The following SLC2A13 variants were observed in gnomAD, a reference collection of about 807,000 sequenced individuals.
SLC2A13 encodes solute carrier family 2 member 13.
A neutral mutation model predicts 64.4 loss-of-function variants in SLC2A13; 32 were observed. That is an observed-to-expected ratio of 0.50 (90% CI 0.37 to 0.67). SLC2A13 has a LOEUF of 0.67. Ranked by LOEUF, SLC2A13 falls within the 30% of genes least tolerant of loss-of-function variation. SLC2A13 has a pLI of 0.00. For missense variants in SLC2A13, 743 were observed against 829.2 expected (o/e 0.90, Z 1.28); for synonymous variants, 338 against 327.1 (o/e 1.03, Z -0.36).
At chr12:39,860,328 T>C (rs1343969851) in intron 6 of SLC2A13, among the ~76,000 whole-genome samples, 1 of 152,238 alleles carries the variant, frequency 6.6e-6, no homozygotes. Context: ...GCCTGAAGAA[T>C]GGAGAGATAC....
chr12:39,856,526 G>T (rs1308731492), intron 6 of SLC2A13, among the ~76,000 whole-genome samples: 1 of 152,020 alleles, frequency 6.6e-6, no homozygotes, highest in Admixed American at 6.5e-5. Flanking sequence ...ATGCCACCAT[G>T]CCCAGCTAAT....
chr12:39,875,459 C>A (rs575423454), intron 4 of SLC2A13, among the ~76,000 whole-genome samples: 19 of 152,326 alleles, frequency 1.2e-4, no homozygotes, highest in Admixed American at 1.1e-3. Context: ...TTAATTCAGT[C>A]TGCACCTTAA....
chr12:39,796,462 G>A (rs1040938199), intron 7 of SLC2A13, among the ~76,000 whole-genome samples: 34 of 141,366 alleles, frequency 2.4e-4, no homozygotes, highest in South Asian at 4.7e-4. Context: ...AACAAAAAAA[G>A]AAATGAGGTA....
At chr12:39,878,370 A>G (rs1944247342) in intron 4 of SLC2A13, among the ~76,000 whole-genome samples, 1 of 152,238 alleles carries the variant, frequency 6.6e-6, no homozygotes, top group South Asian at 2.1e-4. Context: ...GACCGACTAA[A>G]TGGTTGTGAC....
At chr12:39,999,642 T>A (rs921415719) in intron 3 of SLC2A13, among the ~76,000 whole-genome samples, 6 of 152,232 alleles carry the variant, frequency 3.9e-5, no homozygotes. Flanking sequence ...CGTGCACCGC[T>A]GAACATAGAC....
Position 40,105,590 on chromosome 12 carries a change from C to G in SLC2A13, c.219G>C (p.Gln73His). 1 of 1,539,844 alleles carries G rather than the reference C, an allele frequency of 6.5e-7. No homozygotes were observed. Among genetic ancestry groups the G allele is most frequent in the Non-Finnish European group, 8.7e-7 (1 of 1,146,374 alleles). Residue 73 changes from glutamine to histidine, a missense_variant, in exon 1 of 10, where the codon CAG (glutamine) becomes CAC (histidine). Physicochemically the swap from Gln to His is conservative, Grantham distance 24 (BLOSUM62 0). Coordinates refer to ENST00000280871, the MANE Select transcript of SLC2A13 (RefSeq NM_052885.4). This position sits in a 1 kb window ranked among gnomAD's most constrained non-coding sequence, Gnocchi z 4.2. ...DLERAARRQF[Q>H]QDETPAFVYV... ...ACACGAAGGCGGGGGTCTCGTCCTG[C>G]TGGAACTGCCGCCGCGCCGCGCGCT...
chr12:39,824,628 G>A (rs576998206), intron 7 of SLC2A13, among the ~76,000 whole-genome samples: 5 of 152,288 alleles, frequency 3.3e-5, no homozygotes, highest in African/African-American at 1.2e-4. Context: ...CTCCAGGCCA[G>A]GTTGCCTCAC....
intron 3 of SLC2A13, among the ~76,000 whole-genome samples, chr12:39,985,908 G>C (rs1222045599): frequency 2.6e-5 from 4 of 152,032 alleles, no homozygotes; most frequent in Non-Finnish European, 5.9e-5. Context: ...CTATAATAGT[G>C]CCATAAACTT....
At chr12:40,004,267 C>CTCCATG (rs2136186793) in intron 3 of SLC2A13, among the ~76,000 whole-genome samples, 2 of 152,118 alleles carry the variant, frequency 1.3e-5, no homozygotes, top group East Asian at 3.9e-4. Context: ...TCACTGCAAC[C>CTCCATG]TCCATGTCCT....
At chr12:39,871,716 G>A (rs1162504349) in intron 5 of SLC2A13, 82 bp downstream of exon 5, 2 of 1,354,114 alleles carry the variant, frequency 1.5e-6, no homozygotes, top group African/African-American at 1.5e-5. Context: ...TAGAAGTGGT[G>A]TAAGTATTGT....
intron 1 of SLC2A13, among the ~76,000 whole-genome samples, chr12:40,088,222 C>A (rs895270231): frequency 1.3e-4 from 20 of 152,288 alleles, no homozygotes; most frequent in African/African-American, 4.8e-4. Context: ...ACAGTTCTCA[C>A]TCAAAAGAAG....
intron 7 of SLC2A13, among the ~76,000 whole-genome samples, chr12:39,809,432 A>G (rs897162770): frequency 1.6e-4 from 25 of 152,100 alleles, no homozygotes; most frequent in African/African-American, 5.3e-4. Context: ...TTTTTTATAG[A>G]ACTGTTTATA....
At chr12:40,099,192 T>G (rs1306977598) in intron 1 of SLC2A13, among the ~76,000 whole-genome samples, 1 of 152,228 alleles carries the variant, frequency 6.6e-6, no homozygotes, top group Non-Finnish European at 1.5e-5. Flanking sequence ...GGGAAAAGTT[T>G]GAGGTTTTTC....
intron 3 of SLC2A13, among the ~76,000 whole-genome samples, chr12:39,969,507 TG>T (rs2136127374): frequency 6.6e-6 from 1 of 152,386 alleles, no homozygotes; most frequent in African/African-American, 2.4e-5. Context: ...TGGTGTGAGA[TG>T]ATATCTCACT....
rs564894905 is a variant in SLC2A13, at chr12:39,900,899, G to C, written c.1035-28938C>G. On this transcript the variant is annotated intron_variant, in intron 4 of 9. Coordinates refer to ENST00000280871, the MANE Select transcript of SLC2A13 (RefSeq NM_052885.4). ...TCGCCAAGTCAATCCTAAGCCAAAAGAACAAAGCTGGAGGCATCACGCTAC... is the reference window on the plus strand; with the variant it reads ...TCGCCAAGTCAATCCTAAGCCAAAACAACAAAGCTGGAGGCATCACGCTAC... 5.3e-5 allele frequency among the ~76,000 whole-genome samples: 8 copies of C among 152,228 alleles called. No individual in the cohort carries two copies. The East Asian group carries it at 1.5e-3, about 29-fold the overall frequency.
chr12:40,063,267 G>C lies in SLC2A13; in HGVS notation c.557-15057C>G, dbSNP rs147544507. Among the ~76,000 whole-genome samples, 396 of 152,010 alleles carry C rather than the reference G, an allele frequency of 2.6e-3. 3 individuals carry two copies. The highest frequency in any genetic ancestry group is 9.3e-3 in the African/African-American group (386 of 41,474). ...TTATTCCACAACTTGTGACATTTCC[G>C]TTTTGAAGATAAAGGATAGACAGAA... is the stretch of plus-strand genomic sequence containing the variant. On this transcript the variant is annotated intron_variant, in intron 1 of 9. Coordinates refer to ENST00000280871, the MANE Select transcript of SLC2A13 (RefSeq NM_052885.4).
chr12:39,765,888 C>T (rs532434665), intron 7 of SLC2A13, among the ~76,000 whole-genome samples: 153 of 152,038 alleles, frequency 1.0e-3, no homozygotes, highest in Non-Finnish European at 1.9e-3. Flanking sequence ...CTCCTCCCAG[C>T]CCCCACAGGC....
chr12:39,806,648 AG>A (rs1941987206), intron 7 of SLC2A13, among the ~76,000 whole-genome samples: 1 of 152,236 alleles, frequency 6.6e-6, no homozygotes, highest in African/African-American at 2.4e-5. Flanking sequence ...AAAGAGACTC[AG>A]GAAAAGATCT....
intron 4 of SLC2A13, among the ~76,000 whole-genome samples, chr12:39,917,460 G>A (rs2136049886): frequency 6.6e-6 from 1 of 152,200 alleles, no homozygotes; most frequent in African/African-American, 2.4e-5. Flanking sequence ...TTCTGTGTGT[G>A]TCTGTCAGGG....
Sources: allele counts gnomAD v4.1 joint callset (sites outside exome capture counted in the v4.1 genomes callset), GRCh38; gene constraint gnomAD v4.1.1; non-coding constraint Gnocchi (gnomAD v3.1); transcripts MANE v1.5; gene names NCBI Gene and HGNC (gene_info 2026-07-23, HGNC 2026-07-21).